Variants in RASEF observed in about 807,000 individuals in gnomAD.
RASEF encodes the protein ras and EF-hand domain-containing protein.
Under a neutral mutation model 90.1 loss-of-function variants are expected in RASEF, and 68 were observed. The ratio of observed to expected loss-of-function variants is 0.75; its 90% CI spans 0.62 to 0.92. The LOEUF (loss-of-function observed/expected upper bound fraction) is 0.92. Ranked by LOEUF, RASEF falls within the 40% of genes least tolerant of loss-of-function variation. RASEF has a pLI of 0.00. For missense variants in RASEF, 949 were observed against 937.2 expected (o/e 1.01, Z -0.16); for synonymous variants, 331 against 345.2 (o/e 0.96, Z 0.46).
chr9:83,111,373 TCAAAGGGTATA>T, the RASEF span, among the ~76,000 whole-genome samples: 1 of 152,138 alleles, frequency 6.6e-6, no homozygotes, highest in Non-Finnish European at 1.5e-5. Flanking sequence ...AAGATGTTCT[TCAAAGGGTATA>T]AACTTTCAGT....
intron 9 of RASEF, among the ~76,000 whole-genome samples, chr9:83,002,398 A>C (rs1247578879): frequency 1.3e-5 from 2 of 152,062 alleles, no homozygotes; most frequent in Non-Finnish European, 2.9e-5. Flanking sequence ...CTGAGCCAAG[A>C]ATTTTATATC....
At chr9:83,094,301 A>G in the RASEF span, among the ~76,000 whole-genome samples, 1 of 148,762 alleles carries the variant, frequency 6.7e-6, no homozygotes, top group African/African-American at 2.6e-5. Context: ...CATTGTGAAC[A>G]CTTAGTACAA....
intron 1 of RASEF, chr9:83,054,740 T>C (rs1433400491): frequency 7.1e-6 from 1 of 141,542 alleles, no homozygotes; most frequent in African/African-American, 2.7e-5. Flanking sequence ...ATGTCCTTTC[T>C]GGTTGTTAGT....
At chr9:83,145,442 T>G in the RASEF span, among the ~76,000 whole-genome samples, 1 of 152,038 alleles carries the variant, frequency 6.6e-6, no homozygotes, top group Non-Finnish European at 1.5e-5. Flanking sequence ...TCAAGAGACC[T>G]TAGAGCTGAA....
chr9:82,987,146 C>A (rs895618398), intron 16 of RASEF, among the ~76,000 whole-genome samples: 1 of 152,152 alleles, frequency 6.6e-6, no homozygotes, highest in Non-Finnish European at 1.5e-5. Flanking sequence ...AAAACTTCAA[C>A]AAATGGTAAT....
the RASEF span, among the ~76,000 whole-genome samples, chr9:83,122,224 A>T: frequency 5.9e-5 from 9 of 152,312 alleles, no homozygotes; most frequent in Admixed American, 3.9e-4. Context: ...AGCATGGAAC[A>T]GGACCTTGTC....
chr9:83,164,347 G>GTGTATATATATA, the RASEF span, among the ~76,000 whole-genome samples: 1 of 129,988 alleles, frequency 7.7e-6, no homozygotes, highest in South Asian at 2.5e-4. Context: ...GTATATGTGT[G>GTGTATATATATA]TATATATATA....
chr9:82,982,924 T>C (rs1197545296), intron 16 of RASEF, 142 bp from the exon 17 acceptor site: 1 of 615,822 alleles, frequency 1.6e-6, no homozygotes, highest in Admixed American at 2.7e-5. Flanking sequence ...TAGACATTGT[T>C]TTAATGCTTT....
At chr9:83,174,967 T>G in the RASEF span, among the ~76,000 whole-genome samples, 3 of 152,174 alleles carry the variant, frequency 2.0e-5, no homozygotes, top group Non-Finnish European at 1.5e-5. Context: ...ATTGATCTTG[T>G]ATCCTATCAC....
the RASEF span, among the ~76,000 whole-genome samples, chr9:83,069,077 G>A: frequency 6.6e-6 from 1 of 152,146 alleles, no homozygotes; most frequent in African/African-American, 2.4e-5. Flanking sequence ...AAACTGTGAG[G>A]ATACTAAGAA....
chr9:83,057,852 T>TTCATATATAC (rs1830128582), intron 1 of RASEF, among the ~76,000 whole-genome samples: 2 of 27,940 alleles, frequency 7.2e-5, no homozygotes, highest in East Asian at 1.8e-3. Flanking sequence ...TATACATATA[T>TTCATATATAC]ATATATATAT....
chr9:83,053,784 T>A (rs1201592894), intron 1 of RASEF, among the ~76,000 whole-genome samples: 1 of 141,808 alleles, frequency 7.1e-6, no homozygotes, highest in East Asian at 2.1e-4. Context: ...TAAAGTATTT[T>A]ATTTCTCCTT....
chr9:83,146,285 G>A, the RASEF span, among the ~76,000 whole-genome samples: 1 of 151,980 alleles, frequency 6.6e-6, no homozygotes, highest in African/African-American at 2.4e-5. Context: ...AGGTGGAATA[G>A]GCTAGATCAT....
chr9:83,063,919 C>G (rs1245145678), upstream of RASEF, among the ~76,000 whole-genome samples: 1 of 152,170 alleles, frequency 6.6e-6, no homozygotes, highest in Non-Finnish European at 1.5e-5. Flanking sequence ...TTCCAGGAGA[C>G]CCTCAGTCTG....
At chr9:83,108,644 C>T in the RASEF span, among the ~76,000 whole-genome samples, 3 of 152,164 alleles carry the variant, frequency 2.0e-5, no homozygotes, top group African/African-American at 7.2e-5. Context: ...CTCTCTGAAG[C>T]ACAGTCATCG....
At chr9:83,058,172 CTTTTTT>C (rs555842009) in intron 1 of RASEF, among the ~76,000 whole-genome samples, 2 of 57,888 alleles carry the variant, frequency 3.5e-5, no homozygotes, top group Non-Finnish European at 6.6e-5. Context: ...GTATTTATGT[CTTTTTT>C]TTTTTTTTTT....
chr9:83,062,750 G>C lies in RASEF; in HGVS notation c.118C>G (p.Leu40Val). The change falls in exon 1 of 17, where the codon CTG becomes GTG. Residue 40 changes from leucine to valine, a missense_variant. By Grantham distance (32) the Leu-to-Val change is conservative. Coordinates refer to ENST00000376447, the MANE Select transcript of RASEF (RefSeq NM_152573.4). The stretch of plus-strand genomic sequence containing the variant: ...TCGGCGTCGGCCGGCCGCACCCGCA[G>C]CTCCGTGCACAGTGCCCGGAACTCC... ...REEFRALCTE[L>V]RVRPADAEAV... The C allele has an allele frequency of 6.4e-7, 1 of 1,568,020 alleles. No individual in the cohort carries two copies. The highest frequency in any genetic ancestry group is 8.6e-7 in the Non-Finnish European group (1 of 1,165,466).
chr9:83,140,355 T>G, the RASEF span, among the ~76,000 whole-genome samples: 1 of 152,218 alleles, frequency 6.6e-6, no homozygotes, highest in Admixed American at 6.5e-5. Flanking sequence ...GCAAGACCTC[T>G]AATGCTGATT....
chr9:83,191,936 A>G, the RASEF span, among the ~76,000 whole-genome samples: 2 of 152,206 alleles, frequency 1.3e-5, no homozygotes, highest in Non-Finnish European at 2.9e-5. Flanking sequence ...GCCAAGAAGC[A>G]TATTTTAAAA....
Sources: gnomAD v4.1 joint callset for allele counts (sites outside exome capture counted in the v4.1 genomes callset) on GRCh38, gnomAD v4.1.1 for gene constraint, MANE v1.5 for transcripts, NCBI Gene and HGNC (gene_info 2026-07-23, HGNC 2026-07-21) for gene names.